Variants in NOL4 observed in about 807,000 individuals in gnomAD.
NOL4 encodes cancer/testis antigen 125.
NOL4 carries 17 observed loss-of-function variants against 75.9 expected under a neutral mutation model. That is an observed-to-expected ratio of 0.22 (90% CI 0.15 to 0.34). The LOEUF (loss-of-function observed/expected upper bound fraction) is 0.34. NOL4 is among the 10% of genes least tolerant of loss of function. The pLI is 1.00. For missense variants in NOL4, 614 were observed against 793.5 expected (o/e 0.77, Z 2.72); for synonymous variants, 292 against 289.9 (o/e 1.01, Z -0.07).
intron 5 of NOL4, among the ~76,000 whole-genome samples, chr18:34,079,942 G>C (rs1354695547): frequency 6.6e-6 from 1 of 152,198 alleles, no homozygotes; most frequent in Admixed American, 6.5e-5. Context: ...TTCTATACCA[G>C]ACTTAGCCTA....
chr18:34,130,051 A>G (rs761790143), intron 1 of NOL4, 31 bp from the exon 2 acceptor site: 8 of 1,485,392 alleles, frequency 5.4e-6, no homozygotes, highest in African/African-American at 1.4e-5. Flanking sequence ...ACAAAAACCC[A>G]TAAGATTAAT....
intron 2 of NOL4, among the ~76,000 whole-genome samples, chr18:34,124,733 C>A (rs1286467286): frequency 6.6e-6 from 1 of 152,002 alleles, no homozygotes; most frequent in Non-Finnish European, 1.5e-5. Flanking sequence ...GGTGAAACCC[C>A]ATCTCTACTT....
chr18:34,055,586 T>C (rs917281255), intron 5 of NOL4, among the ~76,000 whole-genome samples: 41 of 152,202 alleles, frequency 2.7e-4, no homozygotes, highest in African/African-American at 9.4e-4. Context: ...GGAGTCTCTA[T>C]GGATTCGTCC....
chr18:34,108,207 T>G (rs766329254), intron 2 of NOL4, among the ~76,000 whole-genome samples: 1 of 151,990 alleles, frequency 6.6e-6, no homozygotes, highest in Non-Finnish European at 1.5e-5. Flanking sequence ...TAAGTAGATA[T>G]GCAAAAGATG....
intron 9 of NOL4, among the ~76,000 whole-genome samples, chr18:33,941,564 C>G (rs752572542): frequency 6.6e-6 from 1 of 151,778 alleles, no homozygotes; most frequent in African/African-American, 2.4e-5. Flanking sequence ...TAGCATCAGT[C>G]TTTTCTAGAC....
At position 34,223,346 on chromosome 18, in the gene NOL4, C is replaced by T; in HGVS notation, c.-93G>A. On this transcript the variant is annotated 5_prime_UTR_variant, in exon 1 of 11. Transcript: ENST00000261592. ...GAAAAATGCAGCCCCGGCCACGTTG[C>T]AGGGATGCGAGGTCCCGGCCGCAGC... 6.6e-7 allele frequency: 1 copy of T among 1,522,656 alleles called. No individual in the cohort carries two copies. Among genetic ancestry groups the T allele is most frequent in the Non-Finnish European group, 8.8e-7 (1 of 1,136,278 alleles). The allele number at this position is 1,522,656 out of a possible 1,614,324, so 94.3% of individuals were successfully genotyped here.
intron 6 of NOL4, among the ~76,000 whole-genome samples, chr18:33,996,199 A>T (rs1331888867): frequency 2.0e-5 from 3 of 151,668 alleles, no homozygotes; most frequent in Non-Finnish European, 4.4e-5. Flanking sequence ...GCCATTTAGA[A>T]CGGAAAAAAA....
rs35281852 is a variant in NOL4 at position 34,046,607 on chromosome 18, C to CATATATATATATATATATATATAT, written c.773-27030_773-27007dup. Among the ~76,000 whole-genome samples, 687 of 81,466 alleles carry CATATATATATATATATATATATAT rather than the reference C, an allele frequency of 8.4e-3. 67 individuals are homozygous for CATATATATATATATATATATATAT. Among genetic ancestry groups the CATATATATATATATATATATATAT allele is most frequent in the Non-Finnish European group, 0.011 (440 of 41,286 alleles). 53.4% of individuals were successfully genotyped at this position (81,466 alleles called of 152,430 possible). A position where few individuals can be genotyped will look rare whatever the true frequency, so the allele number is the denominator to read the frequency against. ...TTTTAAAATTTACTATTTACTTATA[C>CATATATATATATATATATATATAT]ATATATATATATATATATATATATA... On this transcript the variant is annotated intron_variant, in intron 5 of 10. Coordinates refer to ENST00000261592, the MANE Select transcript of NOL4 (RefSeq NM_003787.5).
chr18:34,223,406 G>A lies in NOL4; in HGVS notation c.-153C>T, dbSNP rs568557430. On this transcript the variant is annotated 5_prime_UTR_variant, in exon 1 of 11. Transcript: ENST00000261592. Reference sequence around the variant, plus strand: ...CTTTGGGTGGGGGAAGGGATGGGAAGAGGGGAGGAGGGTCCGGTTGGGCAC... The same window carrying A: ...CTTTGGGTGGGGGAAGGGATGGGAAAAGGGGAGGAGGGTCCGGTTGGGCAC... The A allele has an allele frequency of 4.0e-4, 419 of 1,041,866 alleles. 2 individuals are homozygous for A. In the African/African-American group the frequency reaches 5.8e-3, roughly 14 times the overall value. 64.5% of individuals were successfully genotyped at this position (1,041,866 alleles called of 1,614,324 possible).
At chr18:33,942,152 C>G (rs1015686089) in intron 9 of NOL4, among the ~76,000 whole-genome samples, 3 of 151,902 alleles carry the variant, frequency 2.0e-5, no homozygotes, top group South Asian at 2.1e-4. Context: ...TCCTCGAAGT[C>G]CATTGGCTCA....
At chr18:33,862,636 A>T (rs2063209272) in intron 10 of NOL4, among the ~76,000 whole-genome samples, 1 of 152,260 alleles carries the variant, frequency 6.6e-6, no homozygotes, top group Non-Finnish European at 1.5e-5. Flanking sequence ...TTCTCAAAAG[A>T]AGACATTTAT....
intron 9 of NOL4, among the ~76,000 whole-genome samples, chr18:33,936,996 T>C (rs909723371): frequency 1.3e-5 from 2 of 151,882 alleles, no homozygotes; most frequent in African/African-American, 2.4e-5. Context: ...AATAAATATA[T>C]AGAGAAAAGA....
At chr18:33,854,590 T>C (rs1215641914) in intron 10 of NOL4, among the ~76,000 whole-genome samples, 3 of 152,028 alleles carry the variant, frequency 2.0e-5, no homozygotes, top group African/African-American at 7.2e-5. Context: ...AAAGGCATTA[T>C]AACAGGAGTA....
chr18:33,993,237 A>G (rs780971963), intron 6 of NOL4, among the ~76,000 whole-genome samples: 6 of 151,950 alleles, frequency 3.9e-5, no homozygotes, highest in Non-Finnish European at 8.8e-5. Context: ...TGAAAATAAT[A>G]GAAATATCAG....
chr18:33,959,026 C>T (rs558298362), intron 6 of NOL4, among the ~76,000 whole-genome samples: 1 of 152,154 alleles, frequency 6.6e-6, no homozygotes, highest in African/African-American at 2.4e-5. Flanking sequence ...CTTAAGAGGT[C>T]ATCTGATTTG....
chr18:34,052,597 T>C (rs1299359064), intron 5 of NOL4, among the ~76,000 whole-genome samples: 1 of 152,186 alleles, frequency 6.6e-6, no homozygotes, highest in South Asian at 2.1e-4. Flanking sequence ...TAAACAATCA[T>C]TTATTCAGCA....
At chr18:34,012,284 C>A (rs547375661) in intron 6 of NOL4, among the ~76,000 whole-genome samples, 1 of 151,662 alleles carries the variant, frequency 6.6e-6, no homozygotes, top group East Asian at 1.9e-4. Context: ...ATTTTACAAT[C>A]CCTAGTAATG....
At chr18:33,896,537 T>G (rs2065421455) in intron 9 of NOL4, among the ~76,000 whole-genome samples, 1 of 152,114 alleles carries the variant, frequency 6.6e-6, no homozygotes, top group South Asian at 2.1e-4. Flanking sequence ...AGGAAAAGAT[T>G]TCCTATTCAA....
chr18:34,222,894 C>T (rs2037423814), intron 1 of NOL4, 96 bp downstream of exon 1: 3 of 1,494,136 alleles, frequency 2.0e-6, no homozygotes, highest in South Asian at 1.3e-5. Flanking sequence ...GAGCCAACGG[C>T]GGCTCACGGC....
Sources: allele counts gnomAD v4.1 joint callset (sites outside exome capture counted in the v4.1 genomes callset), GRCh38; gene constraint gnomAD v4.1.1; transcripts MANE v1.5; gene names NCBI Gene and HGNC (gene_info 2026-07-23, HGNC 2026-07-21).